Variants in DAB2IP observed in about 807,000 individuals in gnomAD.
The protein encoded by DAB2IP is DAB2 interacting protein.
In DAB2IP, 28 loss-of-function variants were observed where a neutral mutation model predicts 107.2. That is an observed-to-expected ratio of 0.26 (90% CI 0.19 to 0.36). The LOEUF is 0.36. Among genes scored for constraint, DAB2IP ranks in the 10% least tolerant of loss-of-function variants. The pLI, the probability that DAB2IP is intolerant of heterozygous loss-of-function variation, is 1.00. For synonymous variants in DAB2IP, 755 were observed against 706.4 expected, an observed-to-expected ratio of 1.07 and a Z score of -1.09; for missense variants, 1,400 against 1,644.7, an observed-to-expected ratio of 0.85 and a Z score of 2.57.
chr9:121,729,096 A>G (rs1831383069), intron 3 of DAB2IP, among the ~76,000 whole-genome samples: 1 of 152,178 alleles, frequency 6.6e-6, no homozygotes, highest in African/African-American at 2.4e-5. Flanking sequence ...GGTACTTGAC[A>G]GTCATCAGCT....
chr9:121,590,884 C>T (rs1161194359), intron 1 of DAB2IP, among the ~76,000 whole-genome samples: 3 of 152,184 alleles, frequency 2.0e-5, no homozygotes, highest in African/African-American at 7.2e-5. Flanking sequence ...ATGACACATC[C>T]ATCCAGTGAT....
intron 6 of DAB2IP, 124 bp from the exon 7 acceptor site, chr9:121,763,381 C>A: frequency 7.4e-7 from 1 of 1,351,608 alleles, no homozygotes; most frequent in Non-Finnish European, 9.9e-7. Flanking sequence ...CTCTCCGGGA[C>A]CCCCGCAGCT....
At chr9:121,737,369 CTG>C in intron 3 of DAB2IP, 3 of 985,458 alleles carry the variant, frequency 3.0e-6, no homozygotes, top group Non-Finnish European at 3.6e-6. Context: ...GTTGTCATCA[CTG>C]TGTTTATTTA....
chr9:121,764,914 G>A (rs918286340), intron 8 of DAB2IP, among the ~76,000 whole-genome samples: 1 of 152,230 alleles, frequency 6.6e-6, no homozygotes, highest in African/African-American at 2.4e-5. Flanking sequence ...GGGGCACCCT[G>A]GGGGCAGGTG....
rs945712500 is a variant in DAB2IP at position 121,633,168 on chromosome 9, T to G, written c.41-45510T>G. Reference sequence around the variant, plus strand: ...GTGCACTATTAAACTCCTGAAAAATTCATGAGCACGCTGGGAATAGAGACC... The same window carrying G: ...GTGCACTATTAAACTCCTGAAAAATGCATGAGCACGCTGGGAATAGAGACC... On this transcript the variant is annotated intron_variant, in intron 1 of 16. Transcript: ENST00000259371. The surrounding 1 kb of genome is among the most constrained non-coding windows in gnomAD (Gnocchi z 5.1). Among the ~76,000 whole-genome samples, 3 of 152,172 alleles carry G rather than the reference T, an allele frequency of 2.0e-5. No homozygotes were observed. The highest frequency in any genetic ancestry group is 2.0e-4 in the Admixed American group (3 of 15,282).
At chr9:121,617,741 C>T (rs1395818044) in intron 1 of DAB2IP, among the ~76,000 whole-genome samples, 1 of 152,232 alleles carries the variant, frequency 6.6e-6, no homozygotes, top group Non-Finnish European at 1.5e-5. Flanking sequence ...TGGTTCACAC[C>T]ATGAGTTAAC....
chr9:121,749,654 G>A (rs540907364), intron 3 of DAB2IP, among the ~76,000 whole-genome samples: 5 of 152,212 alleles, frequency 3.3e-5, no homozygotes, highest in Non-Finnish European at 5.9e-5. Flanking sequence ...GCCTCCTCAC[G>A]GGGGTCTACT....
At chr9:121,779,459 A>G (rs1310232743) in intron 14 of DAB2IP, among the ~76,000 whole-genome samples, 1 of 152,224 alleles carries the variant, frequency 6.6e-6, no homozygotes, top group Non-Finnish European at 1.5e-5. Context: ...TGAATCTCAC[A>G]GTGAGGTGCT....
intron 1 of DAB2IP, among the ~76,000 whole-genome samples, chr9:121,601,293 C>T (rs1489817126): frequency 6.6e-6 from 1 of 152,146 alleles, no homozygotes. Context: ...ATCACCTGGC[C>T]CTCCTATCCC....
At chr9:121,690,386 G>A (rs1408973336) in intron 2 of DAB2IP, among the ~76,000 whole-genome samples, 2 of 152,096 alleles carry the variant, frequency 1.3e-5, no homozygotes, top group African/African-American at 2.4e-5. Context: ...CCTCCTGGTG[G>A]AATCGGCTTC....
intron 3 of DAB2IP, 106 bp from the exon 4 acceptor site, chr9:121,756,907 G>A (rs1833531190): frequency 2.7e-6 from 4 of 1,462,654 alleles, no homozygotes; most frequent in South Asian, 1.1e-5. Flanking sequence ...GTGGAGAGGA[G>A]TGGCTGCCTG....
At chr9:121,588,096 G>T (rs1830345407) in intron 1 of DAB2IP, among the ~76,000 whole-genome samples, 1 of 152,154 alleles carries the variant, frequency 6.6e-6, no homozygotes. Context: ...TAATTATCAT[G>T]CACTACGGTG....
chr9:121,669,733 C>T (rs1219460174), intron 1 of DAB2IP, among the ~76,000 whole-genome samples: 1 of 152,156 alleles, frequency 6.6e-6, no homozygotes, highest in Non-Finnish European at 1.5e-5. Context: ...GGCACAGTGA[C>T]CTTGTCTTTA....
intron 1 of DAB2IP, among the ~76,000 whole-genome samples, chr9:121,643,861 A>T (rs1002636728): frequency 6.6e-6 from 1 of 152,206 alleles, no homozygotes; most frequent in African/African-American, 2.4e-5. Flanking sequence ...CCAATCCACA[A>T]ATTAGTGAGA....
chr9:121,740,168 C>A (rs986335702), intron 3 of DAB2IP, among the ~76,000 whole-genome samples: 118 of 152,104 alleles, frequency 7.8e-4, no homozygotes, highest in African/African-American at 2.7e-3. Context: ...AGGGAGGGGC[C>A]TGAATGTTCT....
At chr9:121,758,977 G>T in exon 5 of DAB2IP, 3 of 1,612,830 alleles carry the variant, frequency 1.9e-6, no homozygotes, top group Non-Finnish European at 2.5e-6. Context: ...AACCTCCGGC[G>T]AGCGGTGCAT....
chr9:121,723,174 G>A (rs898107301), intron 3 of DAB2IP, among the ~76,000 whole-genome samples: 3 of 152,250 alleles, frequency 2.0e-5, no homozygotes, highest in African/African-American at 7.2e-5. Context: ...GGCTCTGGAA[G>A]GAAGAGGGCA....
chr9:121,719,373 G>A (rs1229142592), intron 3 of DAB2IP, among the ~76,000 whole-genome samples: 1 of 152,180 alleles, frequency 6.6e-6, no homozygotes, highest in Non-Finnish European at 1.5e-5. Flanking sequence ...CAGGAGTTAA[G>A]GCTTGAAAGA....
chr9:121,673,742 C>T (rs1054125031), intron 1 of DAB2IP, among the ~76,000 whole-genome samples: 30 of 152,236 alleles, frequency 2.0e-4, no homozygotes, highest in African/African-American at 6.7e-4. Context: ...TGGCTGGCTC[C>T]GTGGGGAAGG....
Sources: allele counts gnomAD v4.1 joint callset (sites outside exome capture counted in the v4.1 genomes callset), GRCh38; gene constraint gnomAD v4.1.1; non-coding constraint Gnocchi (gnomAD v3.1); transcripts MANE v1.5; gene names NCBI Gene and HGNC (gene_info 2026-07-23, HGNC 2026-07-21).